The following ATP10B variants were observed in gnomAD, a reference collection of about 807,000 sequenced individuals.
ATP10B encodes the protein phospholipid-transporting ATPase VB.
ATP10B carries 122 observed loss-of-function variants against 141.2 expected under a neutral mutation model. The ratio of observed to expected loss-of-function variants is 0.86; its 90% CI spans 0.75 to 1.00. The LOEUF is 1.00. Ranked by LOEUF, ATP10B falls within the 50% of genes least tolerant of loss-of-function variation. The pLI is 0.00. For missense variants in ATP10B, 1,876 were observed against 1,825.3 expected (o/e 1.03, Z -0.51); for synonymous variants, 685 against 692.0 (o/e 0.99, Z 0.16).
intron 7 of ATP10B, among the ~76,000 whole-genome samples, chr5:160,657,817 AGCATGCTACAGCATCCG>A (rs1224974586): frequency 3.9e-5 from 6 of 152,246 alleles, no homozygotes; most frequent in African/African-American, 1.4e-4. Flanking sequence ...GGGTCCCCAG[AGCATGCTACAGCATCCG>A]GCAGATAGAA....
At chr5:160,585,914 T>A (rs1755859509) in intron 24 of ATP10B, among the ~76,000 whole-genome samples, 1 of 152,198 alleles carries the variant, frequency 6.6e-6, no homozygotes, top group African/African-American at 2.4e-5. Flanking sequence ...ATGCCTTTTT[T>A]TGTCTTATCA....
rs72092006 is a variant in ATP10B, at chr5:160,630,697, TA to T, written c.1620+1431del. Among the ~76,000 whole-genome samples the T allele has an allele frequency of 9.1e-3, 1,382 of 152,138 alleles. 16 individuals carry two copies. The highest frequency in any genetic ancestry group is 0.031 in the African/African-American group (1,300 of 41,488). On this transcript the variant is annotated intron_variant, in intron 13 of 25. Transcript: ENST00000327245. ...CTTGTTATTATCTCGTTTGGGAAAATAAAAAAAACCATGAAAATCTTCCTGA... is the reference window on the plus strand; with the variant it reads ...CTTGTTATTATCTCGTTTGGGAAAATAAAAAAACCATGAAAATCTTCCTGA...
intron 1 of ATP10B, among the ~76,000 whole-genome samples, chr5:160,811,124 C>A (rs1773124263): frequency 6.6e-6 from 1 of 152,130 alleles, no homozygotes; most frequent in East Asian, 1.9e-4. Context: ...CCTGGCAGGA[C>A]CCATCAACTG....
At chr5:160,682,956 A>G (rs867563198) in intron 6 of ATP10B, among the ~76,000 whole-genome samples, 98 of 146,150 alleles carry the variant, frequency 6.7e-4, no homozygotes, top group African/African-American at 2.0e-3. Context: ...GGAGAATGGC[A>G]TGAACCCGGG....
intron 24 of ATP10B, among the ~76,000 whole-genome samples, chr5:160,576,850 G>A (rs1755224481): frequency 6.6e-6 from 1 of 152,212 alleles, no homozygotes; most frequent in Non-Finnish European, 1.5e-5. Flanking sequence ...AGGTTCGTAA[G>A]TGAGGAGTTT....
rs186299496 is a variant in ATP10B, at chr5:160,729,819, A to G, written c.-330-12785T>C. On this transcript the variant is annotated intron_variant, in intron 2 of 25. Coordinates refer to ENST00000327245, the MANE Select transcript of ATP10B (RefSeq NM_025153.3). ...GGTGGGGAGATGGTGGAAACAGGAG[A>G]GAGAGTGAGAAGTAAGGCTGAAGAG... 4.0e-3 allele frequency among the ~76,000 whole-genome samples: 606 copies of G among 152,226 alleles called. 9 individuals carry two copies. Among genetic ancestry groups the G allele is most frequent in the African/African-American group, 0.014 (566 of 41,550 alleles).
intron 7 of ATP10B, among the ~76,000 whole-genome samples, chr5:160,652,124 C>T (rs1308122208): frequency 6.6e-6 from 1 of 152,154 alleles, no homozygotes; most frequent in African/African-American, 2.4e-5. Context: ...TTCCTAGCCA[C>T]CTCCCTCCTG....
At position 160,772,860 on chromosome 5, in the gene ATP10B, T is replaced by C. The variant is rs534905935; in HGVS notation, c.-331+12699A>G. ...CCAGATATCTCTGGGTTTGCAATTC[T>C]AACTGAAACCCACAGTGTAAGTCTT... On this transcript the variant is annotated intron_variant, in intron 2 of 25. Transcript: ENST00000327245. 1.2e-4 allele frequency among the ~76,000 whole-genome samples: 18 copies of C among 152,344 alleles called. No individual in the cohort carries two copies. In the South Asian group the frequency reaches 3.7e-3, roughly 32 times the overall value.
At chr5:160,897,029 G>A in the ATP10B span, among the ~76,000 whole-genome samples, 2 of 152,174 alleles carry the variant, frequency 1.3e-5, no homozygotes, top group South Asian at 2.1e-4. Flanking sequence ...ACTAGGTACT[G>A]ATGGAATGTA....
At chr5:160,589,509 C>T in intron 24 of ATP10B, 83 bp downstream of exon 24, 1 of 1,076,154 alleles carries the variant, frequency 9.3e-7, no homozygotes. Context: ...ATTGATAACA[C>T]AGAATGAAAC....
In ATP10B at chr5:160,766,019, C is replaced by T. The variant is rs550277980; in HGVS notation, c.-331+19540G>A. On this transcript the variant is annotated intron_variant, in intron 2 of 25. Transcript: ENST00000327245. ...ACCACGATGTGATACCTCGTTACCC[C>T]GGAAAGAATAGCCATCATTTAAAAA... Among the ~76,000 whole-genome samples, 7 of 152,026 alleles carry T rather than the reference C, an allele frequency of 4.6e-5. No individual in the cohort carries two copies. The East Asian group carries it at 5.8e-4, about 13-fold the overall frequency.
intron 10 of ATP10B, among the ~76,000 whole-genome samples, chr5:160,639,691 C>T (rs1025028957): frequency 9.2e-5 from 14 of 152,206 alleles, no homozygotes; most frequent in African/African-American, 2.9e-4. Context: ...GCTGGTTTTG[C>T]GGAAGACAAT....
the ATP10B span, among the ~76,000 whole-genome samples, chr5:160,924,511 G>C: frequency 1.3e-5 from 2 of 152,210 alleles, no homozygotes; most frequent in Non-Finnish European, 2.9e-5. Flanking sequence ...AAGCACCTGA[G>C]AGCCTTGCGT....
intron 2 of ATP10B, among the ~76,000 whole-genome samples, chr5:160,749,072 C>G (rs1435140096): frequency 6.6e-6 from 1 of 152,114 alleles, no homozygotes; most frequent in Non-Finnish European, 1.5e-5. Flanking sequence ...ATTGAGGTAG[C>G]CTGAATCCAA....
At chr5:160,695,357 G>T (rs571255011) in intron 3 of ATP10B, among the ~76,000 whole-genome samples, 1 of 139,574 alleles carries the variant, frequency 7.2e-6, no homozygotes, top group Non-Finnish European at 1.5e-5. Context: ...TACCACAAAA[G>T]AGAGAGGGTG....
intron 12 of ATP10B, 82 bp from the exon 13 acceptor site, chr5:160,632,449 G>A: frequency 1.5e-6 from 2 of 1,342,654 alleles, no homozygotes; most frequent in Admixed American, 3.5e-5. Context: ...TGTGTGGGGG[G>A]TGGTAAGAGC....
chr5:160,635,118 G>C (rs1283512050), intron 11 of ATP10B, among the ~76,000 whole-genome samples: 3 of 152,206 alleles, frequency 2.0e-5, no homozygotes, highest in African/African-American at 7.2e-5. Flanking sequence ...ATATATATGA[G>C]TGGTGGTAAG....
At chr5:160,622,147 A>G (rs1438550237) in intron 14 of ATP10B, among the ~76,000 whole-genome samples, 1 of 152,244 alleles carries the variant, frequency 6.6e-6, no homozygotes, top group East Asian at 1.9e-4. Context: ...CTACCTGCAG[A>G]CACATAGACA....
intron 2 of ATP10B, among the ~76,000 whole-genome samples, chr5:160,758,935 G>A (rs562262783): frequency 6.8e-4 from 104 of 152,280 alleles, no homozygotes; most frequent in African/African-American, 2.3e-3. Context: ...TGTCTGCCAT[G>A]GTACATGATT....
Sources: allele counts gnomAD v4.1 joint callset (sites outside exome capture counted in the v4.1 genomes callset), GRCh38; gene constraint gnomAD v4.1.1; transcripts MANE v1.5; gene names NCBI Gene and HGNC (gene_info 2026-07-23, HGNC 2026-07-21).